PLK5: variants seen among roughly 807,000 people sequenced by gnomAD.
PLK5 encodes inactive serine/threonine-protein kinase PLK5.
PLK5 carries 28 observed loss-of-function variants against 33.7 expected under a neutral mutation model. The observed-to-expected ratio is 0.83, with a 90% CI of 0.62 to 1.14. The LOEUF (loss-of-function observed/expected upper bound fraction) is 1.14, where lower values mean the gene tolerates loss of function less well. PLK5 is among the 50% of genes most tolerant of loss of function. The pLI is 0.00. For missense variants in PLK5, 492 were observed against 461.5 expected (o/e 1.07, Z -0.61); for synonymous variants, 225 against 202.2 (o/e 1.11, Z -0.96).
rs1599301467 is a variant in PLK5, at chr19:1,524,695, TGTGTTGTGTGTCTGG to T, written c.-544+461_-544+475del. 2.6e-5 allele frequency among the ~76,000 whole-genome samples: 4 copies of T among 151,776 alleles called. No individual in the cohort carries two copies. In the South Asian group the frequency reaches 8.4e-4, roughly 32 times the overall value. On this transcript the variant is annotated intron_variant, in intron 1 of 13. Transcript: ENST00000454744. This position sits in a 1 kb window ranked among gnomAD's most constrained non-coding sequence, Gnocchi z 4.5. ...GTCATGCCTTTGTGTGTCCAGTCAT[TGTGTTGTGTGTCTGG>T]GTGTTGTGTGTTCATGTGGTGTGCT... is the stretch of plus-strand genomic sequence containing the variant.
At position 1,529,475 on chromosome 19, in the gene PLK5, C is replaced by T. The variant is rs1394000632; in HGVS notation, c.475C>T (p.Gln159Ter). ...PIHLVAQGTL[Q>*]SDLAGPEGSR... ...CCACCTGGTCGCACAAGGGACCCTG[C>T]AGAGTGACCTGGCCGGTGAGCAGAT... The change falls in exon 10 of 14, where the codon CAG (glutamine) becomes TAG (stop). Residue 159 changes from glutamine to a stop codon, truncating the protein, a stop_gained. Transcript: ENST00000454744. LOFTEE classifies it high-confidence loss of function. The T allele has an allele frequency of 2.0e-6, 3 of 1,535,762 alleles. No homozygotes were observed. The highest frequency in any genetic ancestry group is 8.7e-7 in the Non-Finnish European group (1 of 1,146,742).
At chr19:1,529,144 C>T (rs1295726142) in intron 9 of PLK5, 170 bp downstream of exon 9, 1 of 679,152 alleles carries the variant, frequency 1.5e-6, no homozygotes, top group South Asian at 2.0e-5. Flanking sequence ...CCATTTGTGT[C>T]CAAATGTGCC....
Position 1,524,547 on chromosome 19 carries a change from G to A in PLK5, c.-544+301G>A, listed in dbSNP as rs139232089. ...GTGTGCGAGCCTGGCGAGGGTCTGAGTGTGCCGCGTCTGTGCCCGCTGCTT... is the reference window on the plus strand; with the variant it reads ...GTGTGCGAGCCTGGCGAGGGTCTGAATGTGCCGCGTCTGTGCCCGCTGCTT... On this transcript the variant is annotated intron_variant, in intron 1 of 13. Coordinates refer to ENST00000454744, the MANE Select transcript of PLK5 (RefSeq NM_001243079.2). This position sits in a 1 kb window ranked among gnomAD's most constrained non-coding sequence, Gnocchi z 4.5. 2.1e-3 allele frequency among the ~76,000 whole-genome samples: 320 copies of A among 152,220 alleles called. 6 individuals carry two copies. In the East Asian group the frequency reaches 0.048, roughly 23 times the overall value.
chr19:1,532,541 G>A (rs1428838036), intron 12 of PLK5, among the ~76,000 whole-genome samples: 2 of 67,382 alleles, frequency 3.0e-5, no homozygotes, highest in South Asian at 9.6e-4. Context: ...TTTTTTTTTT[G>A]AGATGGAGTC....
In PLK5 at chr19:1,531,813, G is replaced by C. The variant is rs1423937824; in HGVS notation, c.644G>C (p.Gly215Ala). 1 of 1,534,960 alleles carries C rather than the reference G, an allele frequency of 6.5e-7. No individual in the cohort carries two copies. The highest frequency in any genetic ancestry group is 8.7e-7 in the Non-Finnish European group (1 of 1,146,404). The change falls in exon 12 of 14, where the codon GGC (glycine) becomes GCC (alanine). Residue 215 changes from glycine (G) to alanine (A), a missense_variant. Transcript: ENST00000454744. ...TGGGTGGATTATTCCAGCAAATACG[G>C]CTTTGGCTACCAGCTCTTGGACGGG... ...PKWVDYSSKYGFGYQLLDGGR... is the reference protein window; with the variant it reads ...PKWVDYSSKYAFGYQLLDGGR...
Position 1,535,183 on chromosome 19 carries a change from G to A in PLK5, c.944G>A (p.Ser315Asn), listed in dbSNP as rs1319411458. 1 of 1,520,560 alleles carries A rather than the reference G, an allele frequency of 6.6e-7. No homozygotes were observed. Among genetic ancestry groups the A allele is most frequent in the African/African-American group, 1.5e-5 (1 of 65,078 alleles). 94.2% of individuals were successfully genotyped at this position (1,520,560 alleles called of 1,614,324 possible). A position where few individuals can be genotyped will look rare whatever the true frequency, so the allele number is the denominator to read the frequency against. Residue 315 changes from serine (S) to asparagine (N), a missense_variant, in exon 14 of 14, where the codon AGC becomes AAC. By Grantham distance (46) the Ser-to-Asn change is conservative. Coordinates refer to ENST00000454744, the MANE Select transcript of PLK5 (RefSeq NM_001243079.2). The part of the protein sequence containing the change: ...GTSYSLDVPR[S>N]HGCAPTTGQH... ...TCCTACTCCCTGGACGTCCCGCGGA[G>A]CCACGGCTGCGCCCCCACCACCGGA...
Position 1,531,685 on chromosome 19 carries a change from A to T in PLK5, c.569-53A>T, listed in dbSNP as rs942155855. ...AGTCCATCACATTTATTGAGTGCCT[A>T]CTATATGCCTGACCCCTGACCCCTG... On this transcript the variant is annotated intron_variant, in intron 11 of 13. Transcript: ENST00000454744. 9.9e-6 allele frequency: 15 copies of T among 1,517,120 alleles called. No individual in the cohort carries two copies. In the African/African-American group the frequency reaches 2.1e-4, roughly 21 times the overall value. The allele number at this position is 1,517,120 out of a possible 1,614,324, so 94.0% of individuals were successfully genotyped here. A position where few individuals can be genotyped will look rare whatever the true frequency, so the allele number is the denominator to read the frequency against.
intron 6 of PLK5, 35 bp downstream of exon 6, chr19:1,527,033 C>A: frequency 6.9e-7 from 1 of 1,451,034 alleles, no homozygotes; most frequent in Non-Finnish European, 9.1e-7. Flanking sequence ...GGCAGGGCCT[C>A]CGGGGGGGGC....
chr19:1,526,059 C>A (rs965859211), intron 3 of PLK5, among the ~76,000 whole-genome samples: 9 of 152,206 alleles, frequency 5.9e-5, no homozygotes, highest in African/African-American at 2.2e-4. Flanking sequence ...CCTGTGCCTA[C>A]CTGTGGTCAC....
chr19:1,525,646 G>C lies in PLK5; in HGVS notation c.-378G>C, dbSNP rs1913719705. On this transcript the variant is annotated 5_prime_UTR_variant, in exon 3 of 14. Coordinates refer to ENST00000454744, the MANE Select transcript of PLK5 (RefSeq NM_001243079.2). Reference sequence around the variant, plus strand: ...CCGCCTGCGACCCCGCAACATCGTGGCTTTCCACGGACACTTTGCTGACCG... The same window carrying C: ...CCGCCTGCGACCCCGCAACATCGTGCCTTTCCACGGACACTTTGCTGACCG... 6.5e-6 allele frequency: 1 copy of C among 152,738 alleles called. No individual in the cohort carries two copies. Among genetic ancestry groups the C allele is most frequent in the Non-Finnish European group, 1.5e-5 (1 of 68,090 alleles). The allele number at this position is 152,738 out of a possible 1,614,324, so 9.5% of individuals were successfully genotyped here.
Position 1,528,199 on chromosome 19 carries a change from C to A in PLK5, c.201+65C>A, listed in dbSNP as rs987489641. The A allele has an allele frequency of 2.1e-5, 32 of 1,516,314 alleles. No individual in the cohort carries two copies. The African/African-American group carries it at 3.2e-4, about 15-fold the overall frequency. The allele number at this position is 1,516,314 out of a possible 1,614,324, so 93.9% of individuals were successfully genotyped here. ...TCCCTGGCAGGTGATGAGCCAGAGC[C>A]TGCCCTGCTCAGCCGAGGGAGGCCC... On this transcript the variant is annotated intron_variant, in intron 7 of 13. Coordinates refer to ENST00000454744, the MANE Select transcript of PLK5 (RefSeq NM_001243079.2).
chr19:1,535,059 T>A lies in PLK5; in HGVS notation c.826-6T>A, dbSNP rs1378377849. 46 of 1,522,852 alleles carry A rather than the reference T, an allele frequency of 3.0e-5. No homozygotes were observed. Among genetic ancestry groups the A allele is most frequent in the Non-Finnish European group, 3.8e-5 (43 of 1,140,998 alleles). 94.3% of individuals were successfully genotyped at this position (1,522,852 alleles called of 1,614,324 possible). ...CTCCCCTTGACTGGTATCTTACCCT[T>A]TGCAGGTGAGCTTCAGTGGAGTCCC... On this transcript the variant is annotated splice_polypyrimidine_tract_variant and splice_region_variant and intron_variant, in intron 13 of 13. Coordinates refer to ENST00000454744, the MANE Select transcript of PLK5 (RefSeq NM_001243079.2).
chr19:1,526,544 A>G lies in PLK5; in HGVS notation c.-254A>G. On this transcript the variant is annotated 5_prime_UTR_variant, in exon 4 of 14. Transcript: ENST00000454744. The stretch of plus-strand genomic sequence containing the variant: ...CTGACGGAGCCAGAAGTGCGCGACT[A>G]CCTGCGGGGCCTGGTCAGCGGCCTG... 7.2e-6 allele frequency: 2 copies of G among 279,132 alleles called. No individual in the cohort carries two copies. Among genetic ancestry groups the G allele is most frequent in the South Asian group, 2.9e-5 (1 of 34,190 alleles). 17.3% of individuals were successfully genotyped at this position (279,132 alleles called of 1,614,324 possible).
intron 11 of PLK5, among the ~76,000 whole-genome samples, chr19:1,530,438 C>T (rs989675214): frequency 4.6e-5 from 7 of 151,880 alleles, no homozygotes; most frequent in Non-Finnish European, 1.0e-4. Context: ...GCTGAGATTA[C>T]AGGCGTGTGC....
Position 1,531,819 on chromosome 19 carries a change from G to A in PLK5, c.650G>A (p.Gly217Asp). Residue 217 changes from glycine to aspartate, a missense_variant, in exon 12 of 14, where the codon GGC becomes GAC. Transcript: ENST00000454744. ...WVDYSSKYGF[G>D]YQLLDGGRTG... ...GATTATTCCAGCAAATACGGCTTTG[G>A]CTACCAGCTCTTGGACGGGGGGCGC... is the stretch of plus-strand genomic sequence containing the variant. 6.5e-7 allele frequency: 1 copy of A among 1,534,788 alleles called. No individual in the cohort carries two copies. Among genetic ancestry groups the A allele is most frequent in the Non-Finnish European group, 8.7e-7 (1 of 1,146,264 alleles).
chr19:1,534,173 AGGTATTGGCTCCTGCGTAC>A, intron 13 of PLK5, 132 bp downstream of exon 13: 4 of 676,658 alleles, frequency 5.9e-6, no homozygotes, highest in Non-Finnish European at 9.7e-6. Flanking sequence ...AAAAAAAAAA[AGGTATTGGCTCCTGCGTAC>A]AAAACCACAG....
In PLK5 at chr19:1,526,550, G is replaced by A. The variant is rs983331009; in HGVS notation, c.-248G>A. ...GAGCCAGAAGTGCGCGACTACCTGC[G>A]GGGCCTGGTCAGCGGCCTGCGCTAC... On this transcript the variant is annotated 5_prime_UTR_variant, in exon 4 of 14. Transcript: ENST00000454744. The A allele has an allele frequency of 2.1e-5, 6 of 281,252 alleles. No individual in the cohort carries two copies. The highest frequency in any genetic ancestry group is 5.8e-5 in the South Asian group (2 of 34,490). The allele number at this position is 281,252 out of a possible 1,614,324, so 17.4% of individuals were successfully genotyped here.
intron 4 of PLK5, 34 bp from the exon 5 acceptor site, chr19:1,526,670 C>A (rs1323694774): frequency 1.7e-5 from 7 of 413,270 alleles, no homozygotes; most frequent in Non-Finnish European, 3.2e-5. Flanking sequence ...GGGCACGGAT[C>A]CACCCCCATG....
rs1212481268 is a variant in PLK5 at position 1,535,324 on chromosome 19, C to G, written c.*74C>G. On this transcript the variant is annotated 3_prime_UTR_variant, in exon 14 of 14. Transcript: ENST00000454744. ...AGGCTCCATTTCCATTCCTGTGGCT[C>G]CCCCAGAGGGGCTGTCCTGGGGGAG... 1.4e-6 allele frequency: 2 copies of G among 1,447,678 alleles called. No homozygotes were observed. The highest frequency in any genetic ancestry group is 5.2e-5 in the East Asian group (2 of 38,426). The allele number at this position is 1,447,678 out of a possible 1,614,324, so 89.7% of individuals were successfully genotyped here.
Sources: allele counts gnomAD v4.1 joint callset (sites outside exome capture counted in the v4.1 genomes callset), GRCh38; gene constraint gnomAD v4.1.1; non-coding constraint Gnocchi (gnomAD v3.1); transcripts MANE v1.5; gene names NCBI Gene and HGNC (gene_info 2026-07-23, HGNC 2026-07-21).